MYO16: variants seen among roughly 807,000 people sequenced by gnomAD.
MYO16 encodes unconventional myosin-XVI.
In MYO16, 94 loss-of-function variants were observed where a neutral mutation model predicts 205.3. The observed-to-expected ratio is 0.46, with a 90% CI of 0.39 to 0.54. MYO16 has a LOEUF of 0.54. MYO16 is among the 20% of genes least tolerant of loss of function. The pLI is 0.00. For missense variants in MYO16, 2,315 were observed against 2,387.5 expected, an observed-to-expected ratio of 0.97 and a Z score of 0.63; for synonymous variants, 988 against 954.0, an observed-to-expected ratio of 1.04 and a Z score of -0.66.
At chr13:108,664,303 C>A (rs1881630116) in intron 1 of MYO16, among the ~76,000 whole-genome samples, 1 of 152,144 alleles carries the variant, frequency 6.6e-6, no homozygotes, top group African/African-American at 2.4e-5. Context: ...ATATTCAATA[C>A]CTGGCATTAG....
chr13:109,017,003 CATT>C (rs1471926043), intron 22 of MYO16, among the ~76,000 whole-genome samples: 1 of 152,126 alleles, frequency 6.6e-6, no homozygotes. Flanking sequence ...TTGATCCTGT[CATT>C]ATGCTGTTAG....
chr13:108,726,724 T>C (rs747683095), intron 3 of MYO16, among the ~76,000 whole-genome samples: 6 of 152,148 alleles, frequency 3.9e-5, no homozygotes, highest in Admixed American at 6.6e-5. Context: ...TTGCATAGAT[T>C]GTACACCCGT....
intron 1 of MYO16, among the ~76,000 whole-genome samples, chr13:108,636,359 T>G (rs1429075198): frequency 0.12 from 11,318 of 95,246 alleles, 666 homozygotes; most frequent in African/African-American, 0.18. Flanking sequence ...TTTTTTTTTT[T>G]TTTTTTTTTT....
At chr13:108,627,567 T>C (rs1441826711), upstream of MYO16, among the ~76,000 whole-genome samples, 1 of 152,186 alleles carries the variant, frequency 6.6e-6, no homozygotes, top group Non-Finnish European at 1.5e-5. Context: ...GTTTATGGAA[T>C]ACATGAGTCG....
At chr13:108,710,712 G>A (rs1883686405) in intron 2 of MYO16, among the ~76,000 whole-genome samples, 1 of 152,098 alleles carries the variant, frequency 6.6e-6, no homozygotes, top group African/African-American at 2.4e-5. Context: ...CAAAGAATAT[G>A]GATCACTGAT....
chr13:108,618,162 G>A (rs758253291), intron 1 of MYO16, among the ~76,000 whole-genome samples: 9 of 152,076 alleles, frequency 5.9e-5, no homozygotes, highest in Non-Finnish European at 1.3e-4. Context: ...CCTCAAATCT[G>A]TTCTTCACAG....
At chr13:109,037,229 T>A (rs1372989670) in intron 23 of MYO16, among the ~76,000 whole-genome samples, 1 of 152,248 alleles carries the variant, frequency 6.6e-6, no homozygotes, top group Non-Finnish European at 1.5e-5. Flanking sequence ...TGTGCAGCTT[T>A]TCTTTGTTTC....
chr13:109,100,028 T>C (rs1490686688), intron 27 of MYO16, among the ~76,000 whole-genome samples: 1 of 152,228 alleles, frequency 6.6e-6, no homozygotes, highest in Non-Finnish European at 1.5e-5. Context: ...TGCAACTGCA[T>C]AGATCTTTGC....
chr13:108,607,016 G>A (rs1878985673), intron 1 of MYO16, among the ~76,000 whole-genome samples: 1 of 152,076 alleles, frequency 6.6e-6, no homozygotes, highest in Non-Finnish European at 1.5e-5. Flanking sequence ...ACTTTCATGG[G>A]GTCTGTAACC....
intron 27 of MYO16, among the ~76,000 whole-genome samples, chr13:109,072,013 G>T (rs765427039): frequency 7.2e-5 from 11 of 152,124 alleles, no homozygotes; most frequent in Non-Finnish European, 1.3e-4. Context: ...CTATGGTTAT[G>T]CTGCCAATAA....
intron 1 of MYO16, among the ~76,000 whole-genome samples, chr13:108,601,696 C>G (rs753464441): frequency 4.6e-5 from 7 of 152,046 alleles, no homozygotes. Flanking sequence ...AACTTCCAAC[C>G]CTGCCCTGAG....
chr13:108,705,232 C>T (rs1251488785), intron 2 of MYO16, among the ~76,000 whole-genome samples: 4 of 152,214 alleles, frequency 2.6e-5, no homozygotes, highest in African/African-American at 9.6e-5. Context: ...ACACTGTGTA[C>T]ACTACCTACA....
At chr13:108,972,356 A>AGC (rs1566439842) in intron 20 of MYO16, among the ~76,000 whole-genome samples, 17 of 17,196 alleles carry the variant, frequency 9.9e-4, no homozygotes, top group African/African-American at 6.8e-3. Flanking sequence ...ATAGCCATAT[A>AGC]TATATATATA....
intron 4 of MYO16, among the ~76,000 whole-genome samples, chr13:108,772,185 C>CA (rs372838535): frequency 9.9e-5 from 15 of 151,286 alleles, no homozygotes; most frequent in East Asian, 1.9e-4. Flanking sequence ...CCAGTTTCTG[C>CA]AAAAAAAATA....
chr13:108,546,536 A>G, the MYO16 span, among the ~76,000 whole-genome samples: 298 of 152,276 alleles, frequency 2.0e-3, 5 homozygotes, highest in Non-Finnish European at 4.3e-4. Flanking sequence ...ATAGCTTATG[A>G]CAAAGCTTGT....
chr13:109,130,875 AATACAATTTT>A (rs1309906746), intron 31 of MYO16, among the ~76,000 whole-genome samples: 172 of 152,330 alleles, frequency 1.1e-3, no homozygotes, highest in African/African-American at 3.7e-3. Context: ...AATAAAATTA[AATACAATTTT>A]AAATTTCATT....
intron 12 of MYO16, among the ~76,000 whole-genome samples, chr13:108,867,620 T>G (rs1878786242): frequency 6.6e-6 from 1 of 152,248 alleles, no homozygotes; most frequent in Admixed American, 6.5e-5. Context: ...AGCTCAGTTC[T>G]GTATCTTTCA....
intron 2 of MYO16, among the ~76,000 whole-genome samples, chr13:108,670,566 T>G (rs181136442): frequency 1.3e-5 from 2 of 152,062 alleles, no homozygotes; most frequent in African/African-American, 4.8e-5. Flanking sequence ...AACATGCAAG[T>G]ATGGGAGAAC....
At chr13:108,701,396 G>A (rs1883302054) in intron 2 of MYO16, among the ~76,000 whole-genome samples, 1 of 152,022 alleles carries the variant, frequency 6.6e-6, no homozygotes, top group African/African-American at 2.4e-5. Flanking sequence ...CACTGGAGTA[G>A]GTTTGTTATC....
Sources: gnomAD v4.1 joint callset for allele counts (sites outside exome capture counted in the v4.1 genomes callset) on GRCh38, gnomAD v4.1.1 for gene constraint, MANE v1.5 for transcripts, NCBI Gene and HGNC (gene_info 2026-07-23, HGNC 2026-07-21) for gene names.